ASH1L: variants seen among roughly 807,000 people sequenced by gnomAD.
The protein encoded by ASH1L is ASH1 like histone lysine methyltransferase, also known as histone-lysine N-methyltransferase ASH1L.
ASH1L carries 23 observed loss-of-function variants against 269.0 expected under a neutral mutation model. The observed-to-expected ratio is 0.09, with a 90% CI of 0.06 to 0.12. The LOEUF (loss-of-function observed/expected upper bound fraction) is 0.12. Among genes scored for constraint, ASH1L ranks in the 10% least tolerant of loss-of-function variants. The pLI is 1.00. For synonymous variants in ASH1L, 1,187 were observed against 1,253.5 expected (o/e 0.95, Z 1.12); for missense variants, 2,912 against 3,567.8 (o/e 0.82, Z 4.68).
rs1227615811 is a variant in ASH1L at position 155,558,851 on chromosome 1, CT to C, written c.-100+3301del. 8.5e-3 allele frequency among the ~76,000 whole-genome samples: 1,159 copies of C among 136,064 alleles called. 7 individuals are homozygous for C. Among genetic ancestry groups the C allele is most frequent in the African/African-American group, 0.023 (861 of 36,930 alleles). 89.3% of individuals were successfully genotyped at this position (136,064 alleles called of 152,430 possible). On this transcript the variant is annotated intron_variant, in intron 1 of 27. Coordinates refer to ENST00000392403, the MANE Select transcript of ASH1L (RefSeq NM_018489.3). Reference sequence around the variant, plus strand: ...CAGGCCCTAGGCCCCTTTTTCTTTTCTTTTTTTTTTTTTTTTGAGAGAGTCA... The same window carrying C: ...CAGGCCCTAGGCCCCTTTTTCTTTTCTTTTTTTTTTTTTTTGAGAGAGTCA...
intron 6 of ASH1L, among the ~76,000 whole-genome samples, chr1:155,398,584 G>T (rs1223366643): frequency 6.6e-6 from 1 of 152,208 alleles, no homozygotes; most frequent in Non-Finnish European, 1.5e-5. Flanking sequence ...TGCTCTGGGT[G>T]AGTCAGTGAG....
At chr1:155,368,550 C>T (rs574901489) in intron 12 of ASH1L, among the ~76,000 whole-genome samples, 22 of 152,012 alleles carry the variant, frequency 1.4e-4, no homozygotes, top group Non-Finnish European at 2.1e-4. Flanking sequence ...CTCCGCCTCG[C>T]GGGTTCAAGC....
chr1:155,559,725 A>C (rs1436738029), intron 1 of ASH1L, among the ~76,000 whole-genome samples: 1 of 152,170 alleles, frequency 6.6e-6, no homozygotes, highest in African/African-American at 2.4e-5. Flanking sequence ...AGCTGCCACC[A>C]TCAAACAATT....
chr1:155,457,258 G>A (rs1460756135), intron 4 of ASH1L, among the ~76,000 whole-genome samples: 2 of 152,000 alleles, frequency 1.3e-5, no homozygotes, highest in Admixed American at 6.6e-5. Context: ...TTGTTCAGTA[G>A]CTCCCAATTG....
At chr1:155,530,077 C>A (rs1394736446) in intron 1 of ASH1L, among the ~76,000 whole-genome samples, 3 of 152,146 alleles carry the variant, frequency 2.0e-5, no homozygotes. Flanking sequence ...TGACAGAACA[C>A]CCTTTCCCCA....
chr1:155,350,551 A>T (rs950517507), intron 17 of ASH1L, among the ~76,000 whole-genome samples: 19 of 152,288 alleles, frequency 1.2e-4, no homozygotes, highest in Middle Eastern at 6.8e-3. Context: ...TACTCAACAA[A>T]TCTTATAATA....
intron 6 of ASH1L, among the ~76,000 whole-genome samples, chr1:155,397,266 G>T (rs1423996011): frequency 6.6e-6 from 1 of 152,118 alleles, no homozygotes; most frequent in African/African-American, 2.4e-5. Flanking sequence ...GGAGGCCAAG[G>T]CGGGTGGATC....
At chr1:155,461,259 T>C (rs1664278974) in intron 3 of ASH1L, among the ~76,000 whole-genome samples, 1 of 152,234 alleles carries the variant, frequency 6.6e-6, no homozygotes, top group Non-Finnish European at 1.5e-5. Flanking sequence ...AAATAGACCA[T>C]GAGCCTTGTT....
chr1:155,442,298 A>T (rs879394350), intron 4 of ASH1L, among the ~76,000 whole-genome samples: 1 of 151,992 alleles, frequency 6.6e-6, no homozygotes. Flanking sequence ...TTAAAAAAAA[A>T]ACACAAAGGC....
chr1:155,428,399 G>A (rs1056654941), intron 5 of ASH1L, among the ~76,000 whole-genome samples: 4 of 151,534 alleles, frequency 2.6e-5, no homozygotes, highest in Non-Finnish European at 5.9e-5. Context: ...CCGAGATTGT[G>A]CCACTGCACT....
intron 6 of ASH1L, among the ~76,000 whole-genome samples, chr1:155,414,317 C>CT (rs113118804): frequency 0.015 from 2,218 of 148,944 alleles, 60 homozygotes; most frequent in African/African-American, 0.052. Flanking sequence ...AAAAAAATTT[C>CT]TTTTTTTTTT....
intron 4 of ASH1L, among the ~76,000 whole-genome samples, chr1:155,459,045 TTGTA>T (rs1219894568): frequency 1.3e-5 from 2 of 151,702 alleles, no homozygotes; most frequent in African/African-American, 4.8e-5. Flanking sequence ...TACAAATATG[TTGTA>T]TGTATTAACA....
chr1:155,495,714 T>G (rs1352871435), intron 2 of ASH1L, among the ~76,000 whole-genome samples: 1 of 152,196 alleles, frequency 6.6e-6, no homozygotes, highest in African/African-American at 2.4e-5. Context: ...TAAATTCATC[T>G]GGCTGGGCAC....
intron 1 of ASH1L, among the ~76,000 whole-genome samples, chr1:155,522,596 A>G (rs1668964314): frequency 6.6e-6 from 1 of 152,184 alleles, no homozygotes; most frequent in Admixed American, 6.5e-5. Context: ...TGATACACCT[A>G]ATCTCAGAAT....
At chr1:155,393,215 C>T (rs1208808589) in intron 7 of ASH1L, among the ~76,000 whole-genome samples, 1 of 152,158 alleles carries the variant, frequency 6.6e-6, no homozygotes, top group Non-Finnish European at 1.5e-5. Context: ...TTAAATCTGT[C>T]TCCAGCCACC....
Position 155,395,490 on chromosome 1 carries a change from T to C in ASH1L, c.6072A>G (p.Glu2024=), listed in dbSNP as rs1265295706. 1.7e-5 allele frequency: 28 copies of C among 1,611,932 alleles called. No individual in the cohort carries two copies. The highest frequency in any genetic ancestry group is 2.2e-5 in the Non-Finnish European group (26 of 1,179,278). The change falls in exon 7 of 28, where the codon GAA becomes GAG. Residue 2024 remains glutamate (E), a synonymous_variant. Transcript: ENST00000392403. ...EKLEYTPGEH[E]YGLFPAPIHV... ...GAATGGGCGCTGGAAATAATCCATA[T>C]TCATGCTCTCCTGGAGTATACTCCA... is the stretch of plus-strand genomic sequence containing the variant.
chr1:155,561,375 T>G (rs900190054), intron 1 of ASH1L, among the ~76,000 whole-genome samples: 2 of 138,358 alleles, frequency 1.4e-5, no homozygotes, highest in Non-Finnish European at 3.2e-5. Flanking sequence ...ATGCCAAGTT[T>G]CTCCCCTCCC....
At chr1:155,476,157 T>G (rs1486475885) in intron 3 of ASH1L, among the ~76,000 whole-genome samples, 1 of 152,040 alleles carries the variant, frequency 6.6e-6, no homozygotes, top group African/African-American at 2.4e-5. Context: ...GAGGCCGAGG[T>G]GGGCGGATCA....
At chr1:155,493,780 G>A (rs986286706) in intron 2 of ASH1L, among the ~76,000 whole-genome samples, 13 of 152,200 alleles carry the variant, frequency 8.5e-5, no homozygotes, top group Middle Eastern at 6.8e-3. Flanking sequence ...AGGCTGAGGC[G>A]GAAGAATAGC....
Sources: gnomAD v4.1 joint callset for allele counts (sites outside exome capture counted in the v4.1 genomes callset) on GRCh38, gnomAD v4.1.1 for gene constraint, MANE v1.5 for transcripts, NCBI Gene and HGNC (gene_info 2026-07-23, HGNC 2026-07-21) for gene names.